The following EGFR variants were observed in gnomAD, a reference collection of about 807,000 sequenced individuals.
EGFR encodes epidermal growth factor receptor.
Under a neutral mutation model 143.0 loss-of-function variants are expected in EGFR, and 58 were observed. The observed-to-expected ratio is 0.41, with a 90% confidence interval of 0.33 to 0.50. EGFR has a LOEUF of 0.50. Among genes scored for constraint, EGFR ranks in the 20% least tolerant of loss-of-function variants. The pLI is 0.39. For synonymous variants in EGFR, 613 were observed against 594.4 expected, an observed-to-expected ratio of 1.03 and a Z score of -0.45; for missense variants, 1,307 against 1,579.0, an observed-to-expected ratio of 0.83 and a Z score of 2.92.
chr7:55,168,811 G>A (rs1318736725), intron 15 of EGFR, among the ~76,000 whole-genome samples: 2 of 152,168 alleles, frequency 1.3e-5, no homozygotes, highest in Admixed American at 6.5e-5. Flanking sequence ...TTTAAAATAC[G>A]GCCAAGTGTT....
At chr7:55,098,532 T>C (rs1791614931) in intron 1 of EGFR, among the ~76,000 whole-genome samples, 1 of 152,228 alleles carries the variant, frequency 6.6e-6, no homozygotes, top group Non-Finnish European at 1.5e-5. Context: ...TTATGTGCAG[T>C]AAAATCTCAC....
chr7:55,030,674 A>G (rs554447435), intron 1 of EGFR, among the ~76,000 whole-genome samples: 2 of 152,366 alleles, frequency 1.3e-5, no homozygotes. Flanking sequence ...ACTCATTTCT[A>G]TGATTTAAAT....
intron 1 of EGFR, among the ~76,000 whole-genome samples, chr7:55,036,047 T>G (rs1787545372): frequency 6.6e-6 from 1 of 152,104 alleles, no homozygotes; most frequent in African/African-American, 2.4e-5. Context: ...ATTTGGAAGT[T>G]AATTTTCTTA....
intron 1 of EGFR, among the ~76,000 whole-genome samples, chr7:55,123,304 T>C (rs1047989102): frequency 2.0e-5 from 3 of 152,166 alleles, no homozygotes; most frequent in Non-Finnish European, 4.4e-5. Flanking sequence ...GATTAAAGAG[T>C]CATTCTTTGA....
chr7:55,120,648 C>A (rs1193186187), intron 1 of EGFR, among the ~76,000 whole-genome samples: 2 of 152,206 alleles, frequency 1.3e-5, no homozygotes, highest in Non-Finnish European at 2.9e-5. Flanking sequence ...CCACAGCACA[C>A]ACAGGGCCTG....
At chr7:55,022,745 C>CTTTT (rs2128856728) in intron 1 of EGFR, among the ~76,000 whole-genome samples, 1 of 152,340 alleles carries the variant, frequency 6.6e-6, no homozygotes, top group Non-Finnish European at 1.5e-5. Flanking sequence ...CTCCAATAGG[C>CTTTT]TTTTAACAGT....
At chr7:55,130,445 T>C (rs558541053) in intron 1 of EGFR, among the ~76,000 whole-genome samples, 128 of 152,278 alleles carry the variant, frequency 8.4e-4, no homozygotes, top group African/African-American at 3.0e-3. Context: ...AGTCAGTTTT[T>C]CCTTGTCAAC....
At chr7:55,203,346 TA>T (rs1326626745) in intron 27 of EGFR, among the ~76,000 whole-genome samples, 2 of 127,552 alleles carry the variant, frequency 1.6e-5, no homozygotes, top group Non-Finnish European at 3.2e-5. Context: ...TACACACATA[TA>T]TACACACATA....
rs981204594 is a variant in EGFR, at chr7:55,207,883, A to G, written c.*2266A>G. The G allele has an allele frequency of 2.0e-5, 3 of 152,226 alleles. No individual in the cohort carries two copies. The highest frequency in any genetic ancestry group is 7.2e-5 in the African/African-American group (3 of 41,460). The allele number at this position is 152,226 out of a possible 1,614,324, so 9.4% of individuals were successfully genotyped here. A position where few individuals can be genotyped will look rare whatever the true frequency, so the allele number is the denominator to read the frequency against. ...TTTATATTGTCAGTTAACCACTTTC[A>G]TTATTCATTCACCTCAGGACATGCA... On this transcript the variant is annotated 3_prime_UTR_variant, in exon 28 of 28. Coordinates refer to ENST00000275493, the MANE Select transcript of EGFR (RefSeq NM_005228.5).
chr7:55,027,896 G>A (rs1231739509), intron 1 of EGFR, among the ~76,000 whole-genome samples: 1 of 148,852 alleles, frequency 6.7e-6, no homozygotes, highest in African/African-American at 2.5e-5. Flanking sequence ...ACATCCTTTG[G>A]AAACAAATAG....
chr7:55,139,496 A>G (rs1407730991), intron 1 of EGFR, among the ~76,000 whole-genome samples: 1 of 152,162 alleles, frequency 6.6e-6, no homozygotes, highest in Non-Finnish European at 1.5e-5. Context: ...ATTTCAGTTA[A>G]ATGCTGCTGT....
chr7:55,059,972 C>A (rs1434065095), intron 1 of EGFR, among the ~76,000 whole-genome samples: 1 of 152,182 alleles, frequency 6.6e-6, no homozygotes, highest in African/African-American at 2.4e-5. Flanking sequence ...CTCGGAAGAA[C>A]TGAAGGCAGA....
intron 17 of EGFR, 66 bp from the exon 18 acceptor site, chr7:55,173,855 T>C (rs535075042): frequency 5.6e-6 from 9 of 1,613,614 alleles, no homozygotes; most frequent in East Asian, 2.2e-5. Context: ...GGGCCATGTC[T>C]GGCACTGCTT....
In EGFR at chr7:55,207,119, C is replaced by G. The variant is rs1788127299; in HGVS notation, c.*1502C>G. ...TCCTTTGTAAACAGTGTTTTAAACT[C>G]TCCTAGTCAATATCCACCCCATCCA... On this transcript the variant is annotated 3_prime_UTR_variant, in exon 28 of 28. Transcript: ENST00000275493. 4.3e-6 allele frequency: 1 copy of G among 232,672 alleles called. No homozygotes were observed. The highest frequency in any genetic ancestry group is 5.6e-5 in the Admixed American group (1 of 17,770). 14.4% of individuals were successfully genotyped at this position (232,672 alleles called of 1,614,324 possible). A position where few individuals can be genotyped will look rare whatever the true frequency, so the allele number is the denominator to read the frequency against.
chr7:55,202,426 C>G, intron 26 of EGFR, 91 bp from the exon 27 acceptor site: 1 of 1,114,324 alleles, frequency 9.0e-7, no homozygotes, highest in East Asian at 2.6e-5. Context: ...TAATCAGAAC[C>G]AGCATCTCAA....
chr7:55,063,829 G>A (rs1789342212), intron 1 of EGFR, among the ~76,000 whole-genome samples: 1 of 152,204 alleles, frequency 6.6e-6, no homozygotes. Context: ...GACCGTCCTG[G>A]AGGGCAAATG....
chr7:55,059,416 C>T (rs554633880), intron 1 of EGFR, among the ~76,000 whole-genome samples: 8 of 152,106 alleles, frequency 5.3e-5, no homozygotes, highest in South Asian at 2.1e-4. Context: ...CTATTATTAA[C>T]GTCTGTCATT....
chr7:55,161,606 G>T lies in EGFR; in HGVS notation c.1606G>T (p.Val536Leu), dbSNP rs767193132. 2.5e-6 allele frequency: 4 copies of T among 1,614,274 alleles called. No homozygotes were observed. The African/African-American group carries it at 5.3e-5, about 22-fold the overall frequency. The part of the protein sequence containing the change: ...CRNVSRGREC[V>L]DKCNLLEGEP... ...GAATGTCAGCCGAGGCAGGGAATGC[G>T]TGGACAAGTGCAACCTTCTGGAGGG... Residue 536 changes from valine to leucine, a missense_variant, in exon 13 of 28, where the codon GTG (valine) becomes TTG (leucine). Val to Leu is a conservative substitution (Grantham distance 32). Transcript: ENST00000275493.
At position 55,068,212 on chromosome 7, in the gene EGFR, A is replaced by G. The variant is rs1789629199; in HGVS notation, c.88+48847A>G. 2.0e-5 allele frequency among the ~76,000 whole-genome samples: 3 copies of G among 152,182 alleles called. No individual in the cohort carries two copies. In the South Asian group the frequency reaches 6.2e-4, roughly 32 times the overall value. On this transcript the variant is annotated intron_variant, in intron 1 of 27. Coordinates refer to ENST00000275493, the MANE Select transcript of EGFR (RefSeq NM_005228.5). ...TTTGGCTCTTCTGTTTTAAAATATC[A>G]GAACAATAATAATTTCCCACAGACA...
Sources: gnomAD v4.1 joint callset for allele counts (sites outside exome capture counted in the v4.1 genomes callset) on GRCh38, gnomAD v4.1.1 for gene constraint, MANE v1.5 for transcripts, NCBI Gene and HGNC (gene_info 2026-07-23, HGNC 2026-07-21) for gene names.